PCDHGA7: variants seen among roughly 807,000 people sequenced by gnomAD.
PCDHGA7 encodes the protein protocadherin gamma subfamily A, 7, also known as protocadherin gamma-A7.
Under a neutral mutation model 58.3 loss-of-function variants are expected in PCDHGA7, and 44 were observed. The observed-to-expected ratio is 0.75, with a 90% confidence interval of 0.59 to 0.97. The LOEUF (loss-of-function observed/expected upper bound fraction) is 0.97. PCDHGA7 is among the 50% of genes least tolerant of loss of function. The probability of loss-of-function intolerance (pLI) is 0.00; values close to 1 mark genes in which losing one functional copy is unlikely to be tolerated. For missense variants in PCDHGA7, 1,266 were observed against 1,188.7 expected (o/e 1.06, Z -0.96); for synonymous variants, 516 against 504.2 (o/e 1.02, Z -0.31).
At chr5:141,394,884 C>T (rs2093119839) in intron 1 of PCDHGA7, 2 of 1,613,902 alleles carry the variant, frequency 1.2e-6, no homozygotes, top group Non-Finnish European at 1.7e-6. Flanking sequence ...GAGCCTTACA[C>T]TCTATCTCGT....
chr5:141,477,630 T>G lies in PCDHGA7; in HGVS notation c.2425-17177T>G. The G allele has an allele frequency of 6.2e-7, 1 of 1,614,228 alleles. No homozygotes were observed. The highest frequency in any genetic ancestry group is 8.5e-7 in the Non-Finnish European group (1 of 1,180,042). ...TTGGAGCAAGGAGCTGAAACCGGGC[T>G]AGTGGGTCGCTATTTCACAATAAAT... On this transcript the variant is annotated intron_variant, in intron 1 of 3. Coordinates refer to ENST00000518325, the MANE Select transcript of PCDHGA7 (RefSeq NM_018920.4). The surrounding 1 kb of genome is among the most constrained non-coding windows in gnomAD (Gnocchi z 4.9).
At chr5:141,387,568 T>G in intron 1 of PCDHGA7, 1 of 447,496 alleles carries the variant, frequency 2.2e-6, no homozygotes, top group Admixed American at 3.9e-5. Context: ...CACACAATTA[T>G]AATTATTGCA....
At position 141,476,326 on chromosome 5, in the gene PCDHGA7, T is replaced by A. The variant is rs752845438; in HGVS notation, c.2425-18481T>A. Reference sequence around the variant, plus strand: ...CAGCCCGCAGGTTCCGGGTGGTGTCTGGAGCTAGCCGAAGATTCTTTGAGG... The same window carrying A: ...CAGCCCGCAGGTTCCGGGTGGTGTCAGGAGCTAGCCGAAGATTCTTTGAGG... On this transcript the variant is annotated intron_variant, in intron 1 of 3. Coordinates refer to ENST00000518325, the MANE Select transcript of PCDHGA7 (RefSeq NM_018920.4). This position sits in a 1 kb window ranked among gnomAD's most constrained non-coding sequence, Gnocchi z 7.6. The A allele has an allele frequency of 6.2e-7, 1 of 1,614,120 alleles. No individual in the cohort carries two copies. Among genetic ancestry groups the A allele is most frequent in the Non-Finnish European group, 8.5e-7 (1 of 1,180,034 alleles).
chr5:141,478,678 C>T (rs3805695), intron 1 of PCDHGA7: 273,671 of 1,551,084 alleles, frequency 0.18, 26,385 homozygotes, highest in African/African-American at 0.39. Context: ...TTCAACTGGC[C>T]CTTCCTAGAT....
Position 141,384,259 on chromosome 5 carries a change from C to T in PCDHGA7, c.1360C>T (p.His454Tyr). Reference protein sequence around the residue: ...DTNDNPPTFPHSSYSVYIAEN... With the variant: ...DTNDNPPTFPYSSYSVYIAEN... ...CAACGATAACCCACCCACCTTCCCC[C>T]ACTCATCCTACTCAGTCTACATCGC... Residue 454 changes from histidine to tyrosine, a missense_variant, in exon 1 of 4, where the codon CAC becomes TAC. Coordinates refer to ENST00000518325, the MANE Select transcript of PCDHGA7 (RefSeq NM_018920.4). The T allele has an allele frequency of 1.2e-6, 2 of 1,613,886 alleles. No individual in the cohort carries two copies. Among genetic ancestry groups the T allele is most frequent in the African/African-American group, 1.3e-5 (1 of 75,046 alleles).
intron 1 of PCDHGA7, among the ~76,000 whole-genome samples, chr5:141,484,288 C>T (rs1300726429): frequency 6.6e-6 from 1 of 152,176 alleles, no homozygotes; most frequent in African/African-American, 2.4e-5. Context: ...AAACATCTCC[C>T]TCTCCTGGCT....
intron 1 of PCDHGA7, chr5:141,388,316 G>A: frequency 6.2e-7 from 1 of 1,613,866 alleles, no homozygotes; most frequent in South Asian, 1.1e-5. Flanking sequence ...AAATAAGTGA[G>A]TCTGCACAGC....
At chr5:141,478,173 A>G (rs1397071220) in intron 1 of PCDHGA7, 1 of 1,613,986 alleles carries the variant, frequency 6.2e-7, no homozygotes, top group Non-Finnish European at 8.5e-7. Flanking sequence ...CCCCGGGAGC[A>G]GAAAAAAAAT....
At chr5:141,464,838 A>G (rs2099091245) in intron 1 of PCDHGA7, among the ~76,000 whole-genome samples, 1 of 152,182 alleles carries the variant, frequency 6.6e-6, no homozygotes, top group African/African-American at 2.4e-5. Context: ...TCCTGGGCTC[A>G]AGCAATCCTC....
At chr5:141,400,017 C>T in intron 1 of PCDHGA7, 1 of 1,612,778 alleles carries the variant, frequency 6.2e-7, no homozygotes. Context: ...CCTTGGGCGA[C>T]AGGGACGCGG....
chr5:141,451,908 G>C (rs899191624), intron 1 of PCDHGA7, among the ~76,000 whole-genome samples: 1 of 152,046 alleles, frequency 6.6e-6, no homozygotes, highest in Non-Finnish European at 1.5e-5. Flanking sequence ...AAGGGAGGGA[G>C]GGAGGAAGGA....
rs1779590334 is a variant in PCDHGA7 at position 141,383,918 on chromosome 5, T to A, written c.1019T>A (p.Val340Glu). Residue 340 changes from valine to glutamate, a missense_variant, in exon 1 of 4, where the codon GTA becomes GAA. Transcript: ENST00000518325. ...AAAGTACTGATCACAGTTTTAGATGTAAATGATAATGCTCCAGAAGTGACT... is the reference window on the plus strand; with the variant it reads ...AAAGTACTGATCACAGTTTTAGATGAAAATGATAATGCTCCAGAAGTGACT... Reference protein sequence around the residue: ...KAKVLITVLDVNDNAPEVTMT... With the variant: ...KAKVLITVLDENDNAPEVTMT... 3.7e-6 allele frequency: 6 copies of A among 1,613,948 alleles called. No individual in the cohort carries two copies. Among genetic ancestry groups the A allele is most frequent in the Non-Finnish European group, 5.1e-6 (6 of 1,179,864 alleles).
At chr5:141,408,579 T>G in intron 1 of PCDHGA7, 1 of 1,614,026 alleles carries the variant, frequency 6.2e-7, no homozygotes, top group Non-Finnish European at 8.5e-7. Flanking sequence ...ATTGAGGATG[T>G]TAATGACCAC....
intron 1 of PCDHGA7, chr5:141,423,606 GAT>G: frequency 6.2e-7 from 1 of 1,612,164 alleles, no homozygotes; most frequent in African/African-American, 1.3e-5. Flanking sequence ...AGCCACTCTT[GAT>G]AGCTGAAGAC....
Position 141,408,587 on chromosome 5 carries a change from C to A in PCDHGA7, c.2424+23264C>A, listed in dbSNP as rs768912219. 3 of 1,613,898 alleles carry A rather than the reference C, an allele frequency of 1.9e-6. No homozygotes were observed. The South Asian group carries it at 3.3e-5, about 18-fold the overall frequency. ...TGTGGTGATTGAGGATGTTAATGACCACGCCCCTCAATTTGATAAAAAGGA... is the reference window on the plus strand; with the variant it reads ...TGTGGTGATTGAGGATGTTAATGACAACGCCCCTCAATTTGATAAAAAGGA... On this transcript the variant is annotated intron_variant, in intron 1 of 3. Transcript: ENST00000518325.
At position 141,399,851 on chromosome 5, in the gene PCDHGA7, C is replaced by G. The variant is rs971471583; in HGVS notation, c.2424+14528C>G. 7 of 1,612,832 alleles carry G rather than the reference C, an allele frequency of 4.3e-6. No individual in the cohort carries two copies. In the African/African-American group the frequency reaches 6.7e-5, roughly 15 times the overall value. Reference sequence around the variant, plus strand: ...GGCTCTGCGCTCTTCGATATGGTGCCGCGCGCTGCAGAGCCCGGCTACCTG... The same window carrying G: ...GGCTCTGCGCTCTTCGATATGGTGCGGCGCGCTGCAGAGCCCGGCTACCTG... On this transcript the variant is annotated intron_variant, in intron 1 of 3. Coordinates refer to ENST00000518325, the MANE Select transcript of PCDHGA7 (RefSeq NM_018920.4).
chr5:141,435,104 G>A (rs1009839042), intron 1 of PCDHGA7, among the ~76,000 whole-genome samples: 1 of 151,968 alleles, frequency 6.6e-6, no homozygotes, highest in Non-Finnish European at 1.5e-5. Flanking sequence ...TTATCTAGGG[G>A]GGAGAAATCT....
At position 141,432,370 on chromosome 5, in the gene PCDHGA7, C is replaced by A. The variant is rs1362496624; in HGVS notation, c.2424+47047C>A. On this transcript the variant is annotated intron_variant, in intron 1 of 3. Transcript: ENST00000518325. The surrounding 1 kb of genome is among the most constrained non-coding windows in gnomAD (Gnocchi z 6.0). Reference sequence around the variant, plus strand: ...AAGTGAAAGTGATGGCGCGGGACAACGGGCACCCGCCCCTCAGCAGCAACG... The same window carrying A: ...AAGTGAAAGTGATGGCGCGGGACAAAGGGCACCCGCCCCTCAGCAGCAACG... The A allele has an allele frequency of 6.2e-7, 1 of 1,614,240 alleles. No homozygotes were observed. The highest frequency in any genetic ancestry group is 8.5e-7 in the Non-Finnish European group (1 of 1,180,048).
chr5:141,389,741 G>T (rs537380299), intron 1 of PCDHGA7: 31 of 1,612,676 alleles, frequency 1.9e-5, no homozygotes, highest in Admixed American at 6.7e-5. Context: ...GCCTGGGGCT[G>T]CGCACGGGCG....
Sources: allele counts gnomAD v4.1 joint callset (sites outside exome capture counted in the v4.1 genomes callset), GRCh38; gene constraint gnomAD v4.1.1; non-coding constraint Gnocchi (gnomAD v3.1); transcripts MANE v1.5; gene names NCBI Gene and HGNC (gene_info 2026-07-23, HGNC 2026-07-21).